Variants in RIMKLA observed in about 807,000 individuals in gnomAD.
RIMKLA encodes the protein ribosomal modification protein rimK like family member A.
A neutral mutation model predicts 32.7 loss-of-function variants in RIMKLA; 14 were observed. That is an observed-to-expected ratio of 0.43 (90% CI 0.28 to 0.67). RIMKLA has a LOEUF of 0.67. Ranked by LOEUF, RIMKLA falls within the 30% of genes least tolerant of loss-of-function variation. The pLI is 0.18. For missense variants in RIMKLA, 410 were observed against 519.0 expected, an observed-to-expected ratio of 0.79 and a Z score of 2.04; for synonymous variants, 176 against 204.1, an observed-to-expected ratio of 0.86 and a Z score of 1.18.
intron 1 of RIMKLA, among the ~76,000 whole-genome samples, chr1:42,384,334 T>A (rs1171738777): frequency 6.6e-6 from 1 of 151,970 alleles, no homozygotes; most frequent in Non-Finnish European, 1.5e-5. Flanking sequence ...TATGTGAAAA[T>A]CATACCCATC....
At chr1:42,390,298 A>G (rs1356183866) in intron 1 of RIMKLA, among the ~76,000 whole-genome samples, 1 of 152,180 alleles carries the variant, frequency 6.6e-6, no homozygotes, top group Admixed American at 6.5e-5. Flanking sequence ...TCAGCCTCCC[A>G]AAGTGCTGGG....
rs748599600 is a variant in RIMKLA at position 42,404,492 on chromosome 1, T to C, written c.395-19T>C. 6.3e-7 allele frequency: 1 copy of C among 1,583,690 alleles called. No individual in the cohort carries two copies. ...GACTATCAGCCTTACCTTCACTGAC[T>C]TTCACCTTTTCTTGGCAGGTGGGCA... is the stretch of plus-strand genomic sequence containing the variant. On this transcript the variant is annotated intron_variant, in intron 2 of 4. Transcript: ENST00000431473.
chr1:42,389,285 C>G lies in RIMKLA; in HGVS notation c.163+8188C>G, dbSNP rs546999205. 5.3e-5 allele frequency among the ~76,000 whole-genome samples: 8 copies of G among 152,252 alleles called. No individual in the cohort carries two copies. In the South Asian group the frequency reaches 8.3e-4, roughly 16 times the overall value. On this transcript the variant is annotated intron_variant, in intron 1 of 4. Coordinates refer to ENST00000431473, the MANE Select transcript of RIMKLA (RefSeq NM_173642.4). ...GAAAGATTGGGATTCAGGAAAAAGG[C>G]TTGGCTTGGAGATACCAAAGTAGGA...
At chr1:42,390,431 A>G (rs529298488) in intron 1 of RIMKLA, among the ~76,000 whole-genome samples, 2 of 152,288 alleles carry the variant, frequency 1.3e-5, no homozygotes, top group Non-Finnish European at 2.9e-5. Context: ...GATGTAGGAG[A>G]GACAGGCAAA....
Position 42,423,243 on chromosome 1 carries a change from A to G in RIMKLA, c.*8269A>G, listed in dbSNP as rs1643309128. ...GATGATTTGGGGTATGACATTATGTACCATTCATATTGTCCTTGAACCCAA... is the reference window on the plus strand; with the variant it reads ...GATGATTTGGGGTATGACATTATGTGCCATTCATATTGTCCTTGAACCCAA... On this transcript the variant is annotated 3_prime_UTR_variant, in exon 5 of 5. Coordinates refer to ENST00000431473, the MANE Select transcript of RIMKLA (RefSeq NM_173642.4). Among the ~76,000 whole-genome samples, 1 of 152,142 alleles carries G rather than the reference A, an allele frequency of 6.6e-6. No individual in the cohort carries two copies. The highest frequency in any genetic ancestry group is 2.1e-4 in the South Asian group (1 of 4,826).
chr1:42,381,319 T>C (rs538799587), intron 1 of RIMKLA, among the ~76,000 whole-genome samples: 1 of 152,228 alleles, frequency 6.6e-6, no homozygotes, highest in Admixed American at 6.5e-5. Flanking sequence ...GAGAACGCGA[T>C]TTAATTTACT....
At chr1:42,414,297 G>C (rs1043219145) in intron 4 of RIMKLA, among the ~76,000 whole-genome samples, 187 bp from the exon 5 acceptor site, 1 of 152,002 alleles carries the variant, frequency 6.6e-6, no homozygotes, top group Admixed American at 6.5e-5. Context: ...GAGGAAATCA[G>C]CATTTTTAAG....
intron 4 of RIMKLA, among the ~76,000 whole-genome samples, chr1:42,411,768 G>T (rs1350577528): frequency 1.3e-5 from 2 of 151,492 alleles, no homozygotes; most frequent in Non-Finnish European, 2.9e-5. Context: ...CTGCCTCCCC[G>T]GTTCACACCA....
rs889627843 is a variant in RIMKLA, at chr1:42,416,318, A to G, written c.*1344A>G. 3.3e-5 allele frequency: 5 copies of G among 152,232 alleles called. No homozygotes were observed. Among genetic ancestry groups the G allele is most frequent in the Non-Finnish European group, 7.3e-5 (5 of 68,042 alleles). The allele number at this position is 152,232 out of a possible 1,614,324, so 9.4% of individuals were successfully genotyped here. A position where few individuals can be genotyped will look rare whatever the true frequency, so the allele number is the denominator to read the frequency against. ...TATTTTCTTGATGTTGCATGTGCCA[A>G]GAACACTTAGGGTTCCCCTTTGGGA... On this transcript the variant is annotated 3_prime_UTR_variant, in exon 5 of 5. Transcript: ENST00000431473.
At chr1:42,384,267 T>C (rs1278373961) in intron 1 of RIMKLA, among the ~76,000 whole-genome samples, 1 of 152,130 alleles carries the variant, frequency 6.6e-6, no homozygotes, top group Non-Finnish European at 1.5e-5. Context: ...GATCTTTAGG[T>C]GACTGAAGTA....
At chr1:42,387,815 A>G (rs1642963325) in intron 1 of RIMKLA, among the ~76,000 whole-genome samples, 1 of 152,210 alleles carries the variant, frequency 6.6e-6, no homozygotes, top group Non-Finnish European at 1.5e-5. Context: ...GATGGGGAAA[A>G]TAGGATGTAA....
rs911025563 is a variant in RIMKLA, at chr1:42,416,091, G to GC, written c.*1117_*1118insC. The GC allele has an allele frequency of 2.1e-5, 2 of 95,034 alleles. No individual in the cohort carries two copies. Among genetic ancestry groups the GC allele is most frequent in the African/African-American group, 7.8e-5 (2 of 25,700 alleles). 5.9% of individuals were successfully genotyped at this position (95,034 alleles called of 1,614,324 possible). A position where few individuals can be genotyped will look rare whatever the true frequency, so the allele number is the denominator to read the frequency against. On this transcript the variant is annotated 3_prime_UTR_variant, in exon 5 of 5. Coordinates refer to ENST00000431473, the MANE Select transcript of RIMKLA (RefSeq NM_173642.4). ...AATTACCCATTGCACATTTTGCGGG[G>GC]GGGGGGGCTAATGTAGACATGACAC...
rs1402077683 is a variant in RIMKLA at position 42,414,631 on chromosome 1, T to C, written c.833T>C (p.Val278Ala). The part of the protein sequence containing the change: ...SFVVCEANAN[V>A]GFLAFDQACN... ...GTGGTGTGTGAGGCAAATGCTAATG[T>C]TGGCTTCCTAGCCTTTGACCAGGCA... Residue 278 changes from valine to alanine, a missense_variant, in exon 5 of 5, where the codon GTT becomes GCT. Transcript: ENST00000431473. The C allele has an allele frequency of 6.2e-7, 1 of 1,614,238 alleles. No homozygotes were observed. Among genetic ancestry groups the C allele is most frequent in the Admixed American group, 1.7e-5 (1 of 60,028 alleles).
At chr1:42,403,520 A>G (rs1210183075) in intron 2 of RIMKLA, among the ~76,000 whole-genome samples, 2 of 152,236 alleles carry the variant, frequency 1.3e-5, no homozygotes, top group Non-Finnish European at 2.9e-5. Flanking sequence ...TCATAAAACA[A>G]TTTAGAAAGA....
rs149083034 is a variant in RIMKLA, at chr1:42,423,288, A to G, written c.*8314A>G. Among the ~76,000 whole-genome samples the G allele has an allele frequency of 8.5e-5, 13 of 152,308 alleles. No individual in the cohort carries two copies. Among genetic ancestry groups the G allele is most frequent in the Middle Eastern group, 3.4e-3 (1 of 294 alleles). Reference sequence around the variant, plus strand: ...ACCCAAACACTGGGGAATGTGGCCTATGTTTCTTTCTTCTTCTCTTACATG... The same window carrying G: ...ACCCAAACACTGGGGAATGTGGCCTGTGTTTCTTTCTTCTTCTCTTACATG... On this transcript the variant is annotated 3_prime_UTR_variant, in exon 5 of 5. Coordinates refer to ENST00000431473, the MANE Select transcript of RIMKLA (RefSeq NM_173642.4).
At position 42,423,922 on chromosome 1, in the gene RIMKLA, A is replaced by C. The variant is rs1467969487; in HGVS notation, c.*8948A>C. On this transcript the variant is annotated 3_prime_UTR_variant, in exon 5 of 5. Coordinates refer to ENST00000431473, the MANE Select transcript of RIMKLA (RefSeq NM_173642.4). ...GCTCTTTAGAGCTCCTCAAGGGCCTAAGCATCTTTTGTTAGAAAATTCTGG... is the reference window on the plus strand; with the variant it reads ...GCTCTTTAGAGCTCCTCAAGGGCCTCAGCATCTTTTGTTAGAAAATTCTGG... Among the ~76,000 whole-genome samples, 1 of 152,184 alleles carries C rather than the reference A, an allele frequency of 6.6e-6. No homozygotes were observed. Among genetic ancestry groups the C allele is most frequent in the East Asian group, 1.9e-4 (1 of 5,196 alleles).
At chr1:42,384,004 C>T (rs1158703148) in intron 1 of RIMKLA, among the ~76,000 whole-genome samples, 2 of 152,156 alleles carry the variant, frequency 1.3e-5, no homozygotes, top group African/African-American at 4.8e-5. Flanking sequence ...GCCTTCACTC[C>T]TTTCCATTGC....
chr1:42,403,007 CAA>C (rs1643113879), intron 2 of RIMKLA, among the ~76,000 whole-genome samples: 2 of 152,100 alleles, frequency 1.3e-5, no homozygotes, highest in Non-Finnish European at 2.9e-5. Context: ...GTTACCGCAA[CAA>C]GAGAAAACTA....
At chr1:42,390,599 T>A (rs1198302992) in intron 1 of RIMKLA, among the ~76,000 whole-genome samples, 1 of 152,164 alleles carries the variant, frequency 6.6e-6, no homozygotes, top group Non-Finnish European at 1.5e-5. Flanking sequence ...GATGTGATAG[T>A]GGGAACTTAC....
Sources: allele counts gnomAD v4.1 joint callset (sites outside exome capture counted in the v4.1 genomes callset), GRCh38; gene constraint gnomAD v4.1.1; transcripts MANE v1.5; gene names NCBI Gene and HGNC (gene_info 2026-07-23, HGNC 2026-07-21).